Variants in ANGPT2 observed in about 807,000 individuals in gnomAD.
ANGPT2 encodes the protein angiopoietin 2.
ANGPT2 carries 28 observed loss-of-function variants against 62.9 expected under a neutral mutation model. The ratio of observed to expected loss-of-function variants is 0.44; its 90% confidence interval spans 0.33 to 0.61. The LOEUF (loss-of-function observed/expected upper bound fraction) is 0.61. Ranked by LOEUF, ANGPT2 falls within the 20% of genes least tolerant of loss-of-function variation. ANGPT2 has a pLI of 0.03. For missense variants in ANGPT2, 727 were observed against 594.9 expected, an observed-to-expected ratio of 1.22 and a Z score of -2.31; for synonymous variants, 284 against 207.8, an observed-to-expected ratio of 1.37 and a Z score of -3.15.
At chr8:6,554,545 T>C (rs967810390) in intron 1 of ANGPT2, among the ~76,000 whole-genome samples, 1 of 152,220 alleles carries the variant, frequency 6.6e-6, no homozygotes, top group African/African-American at 2.4e-5. Context: ...TATTTTTACA[T>C]GACAGGTAAT....
intron 8 of ANGPT2, among the ~76,000 whole-genome samples, chr8:6,504,404 A>T (rs1812857320): frequency 6.6e-6 from 1 of 151,762 alleles, no homozygotes; most frequent in African/African-American, 2.4e-5. Context: ...TGCCCACTTC[A>T]TCCCTCCCAG....
intron 4 of ANGPT2, among the ~76,000 whole-genome samples, chr8:6,520,733 CAAT>C (rs1817168314): frequency 6.6e-6 from 1 of 152,086 alleles, no homozygotes; most frequent in Admixed American, 6.5e-5. Flanking sequence ...CAAAGTGAAA[CAAT>C]AATAAGGAAG....
chr8:6,502,912 G>A lies in ANGPT2; in HGVS notation c.*189C>T. On this transcript the variant is annotated 3_prime_UTR_variant, in exon 9 of 9. Coordinates refer to ENST00000629816, the MANE Select transcript of ANGPT2 (RefSeq NM_001118887.2). ...TATGGATGTTTAGGGTCTTGCTTTG[G>A]TCCGTTAAGTGATGCAAGTTTAAGT... 1 of 622,304 alleles carries A rather than the reference G, an allele frequency of 1.6e-6. No homozygotes were observed. Among genetic ancestry groups the A allele is most frequent in the Non-Finnish European group, 2.7e-6 (1 of 364,568 alleles). 38.5% of individuals were successfully genotyped at this position (622,304 alleles called of 1,614,324 possible).
chr8:6,543,120 A>ACTTTCTGCTTCTTTATCTCCT (rs1821910377), intron 1 of ANGPT2, among the ~76,000 whole-genome samples: 1 of 151,618 alleles, frequency 6.6e-6, no homozygotes, highest in African/African-American at 2.4e-5. Flanking sequence ...CCCAGCCAAG[A>ACTTTCTGCTTCTTTATCTCCT]CTTTCTGCTT....
At chr8:6,527,226 T>C (rs972638749) in intron 3 of ANGPT2, among the ~76,000 whole-genome samples, 2 of 150,314 alleles carry the variant, frequency 1.3e-5, no homozygotes, top group Non-Finnish European at 3.0e-5. Context: ...GAGGATCTTT[T>C]GGGCCAGTGG....
At chr8:6,547,437 A>G (rs550395890) in intron 1 of ANGPT2, among the ~76,000 whole-genome samples, 1 of 152,234 alleles carries the variant, frequency 6.6e-6, no homozygotes, top group African/African-American at 2.4e-5. Flanking sequence ...CACTGCCATA[A>G]GTTATAAAAA....
At chr8:6,529,236 A>G (rs1381565333) in intron 2 of ANGPT2, among the ~76,000 whole-genome samples, 2 of 152,296 alleles carry the variant, frequency 1.3e-5, no homozygotes, top group Non-Finnish European at 2.9e-5. Flanking sequence ...TTGATCTCTC[A>G]TTCCCTTTAA....
intron 5 of ANGPT2, among the ~76,000 whole-genome samples, chr8:6,518,630 C>T (rs1305577682): frequency 6.6e-6 from 1 of 152,060 alleles, no homozygotes. Flanking sequence ...TTCTTTGATA[C>T]TGTTTTAAAT....
intron 2 of ANGPT2, among the ~76,000 whole-genome samples, chr8:6,530,802 C>G (rs538494344): frequency 1.3e-5 from 2 of 152,156 alleles, no homozygotes; most frequent in Non-Finnish European, 2.9e-5. Context: ...TTTTCTCTGA[C>G]CTCATCCAAC....
chr8:6,509,630 A>T lies in ANGPT2; in HGVS notation c.1197-568T>A, dbSNP rs189358014. 3.7e-4 allele frequency among the ~76,000 whole-genome samples: 56 copies of T among 152,334 alleles called. No individual in the cohort carries two copies. In the Middle Eastern group the frequency reaches 0.027, roughly 74 times the overall value. On this transcript the variant is annotated intron_variant, in intron 7 of 8. Coordinates refer to ENST00000629816, the MANE Select transcript of ANGPT2 (RefSeq NM_001118887.2). ...CTTTTAGACATTGAGAAAGGAACAA[A>T]TGTCGGAGTAAGTTAGACACTATTT...
chr8:6,504,234 C>T (rs1489634963), intron 8 of ANGPT2, among the ~76,000 whole-genome samples: 5 of 142,566 alleles, frequency 3.5e-5, no homozygotes, highest in Non-Finnish European at 6.0e-5. Flanking sequence ...AGGAGAATGG[C>T]GTGAACCCGG....
At chr8:6,559,196 T>A (rs1055468300) in intron 1 of ANGPT2, among the ~76,000 whole-genome samples, 1 of 151,010 alleles carries the variant, frequency 6.6e-6, no homozygotes, top group Admixed American at 6.6e-5. Flanking sequence ...TGTTTTAATA[T>A]ACAGCTATTG....
chr8:6,526,443 A>C lies in ANGPT2; in HGVS notation c.566+1112T>G, dbSNP rs547799325. ...GAGTGAGACCCTGTCTCAAAAAAAAAACACAGAAAAGAAAATGAAATTAGC... is the reference window on the plus strand; with the variant it reads ...GAGTGAGACCCTGTCTCAAAAAAAACACACAGAAAAGAAAATGAAATTAGC... On this transcript the variant is annotated intron_variant, in intron 3 of 8. Transcript: ENST00000629816. Among the ~76,000 whole-genome samples the C allele has an allele frequency of 2.1e-3, 320 of 152,180 alleles. 1 individual carries two copies. The highest frequency in any genetic ancestry group is 3.1e-3 in the Admixed American group (47 of 15,266).
At chr8:6,535,651 A>C (rs1820350070) in intron 1 of ANGPT2, among the ~76,000 whole-genome samples, 2 of 152,168 alleles carry the variant, frequency 1.3e-5, no homozygotes, top group Non-Finnish European at 2.9e-5. Context: ...AATAAAAGAA[A>C]ATTCTGTGTG....
At chr8:6,518,422 A>G (rs1344187559) in intron 5 of ANGPT2, among the ~76,000 whole-genome samples, 2 of 152,112 alleles carry the variant, frequency 1.3e-5, no homozygotes. Context: ...TCCCTGTTGT[A>G]TGGCTTCTAG....
chr8:6,504,652 T>A (rs924470492), intron 8 of ANGPT2, among the ~76,000 whole-genome samples: 1 of 152,200 alleles, frequency 6.6e-6, no homozygotes, highest in African/African-American at 2.4e-5. Context: ...TGAAAGTTCC[T>A]GACTTAATAA....
At chr8:6,558,393 G>A (rs932951042) in intron 1 of ANGPT2, among the ~76,000 whole-genome samples, 10 of 151,970 alleles carry the variant, frequency 6.6e-5, no homozygotes, top group Non-Finnish European at 1.2e-4. Flanking sequence ...CTCCCATGGC[G>A]GTAGAGTTGA....
intron 2 of ANGPT2, among the ~76,000 whole-genome samples, chr8:6,531,782 C>T (rs1819566729): frequency 8.6e-6 from 1 of 116,188 alleles, no homozygotes; most frequent in Admixed American, 9.2e-5. Flanking sequence ...TGGCAGCGCT[C>T]AGGGCTCTTG....
At chr8:6,539,152 G>A (rs1821050690) in intron 1 of ANGPT2, among the ~76,000 whole-genome samples, 1 of 152,216 alleles carries the variant, frequency 6.6e-6, no homozygotes, top group African/African-American at 2.4e-5. Context: ...CGGATTTTGG[G>A]CAGCACTTTG....
Sources: allele counts gnomAD v4.1 joint callset (sites outside exome capture counted in the v4.1 genomes callset), GRCh38; gene constraint gnomAD v4.1.1; transcripts MANE v1.5; gene names NCBI Gene and HGNC (gene_info 2026-07-23, HGNC 2026-07-21).